The following PTPRR variants were observed in gnomAD, a reference collection of about 807,000 sequenced individuals.
PTPRR encodes receptor-type tyrosine-protein phosphatase R.
A neutral mutation model predicts 77.2 loss-of-function variants in PTPRR; 38 were observed. That is an observed-to-expected ratio of 0.49 (90% CI 0.38 to 0.65). The LOEUF (loss-of-function observed/expected upper bound fraction) is 0.65, where lower values mean the gene tolerates loss of function less well. PTPRR is among the 30% of genes least tolerant of loss of function. The pLI is 0.00. For synonymous variants in PTPRR, 299 were observed against 283.1 expected (o/e 1.06, Z -0.57); for missense variants, 744 against 799.2 (o/e 0.93, Z 0.83).
intron 10 of PTPRR, among the ~76,000 whole-genome samples, chr12:70,674,432 G>A (rs1174212875): frequency 1.3e-5 from 2 of 152,144 alleles, no homozygotes; most frequent in South Asian, 4.1e-4. Context: ...AAGATTTGAT[G>A]TGTAGTATTT....
intron 2 of PTPRR, among the ~76,000 whole-genome samples, chr12:70,811,856 A>G (rs2137031372): frequency 6.6e-6 from 1 of 152,342 alleles, no homozygotes; most frequent in South Asian, 2.1e-4. Context: ...CTAAAACATT[A>G]TTCATTGTGT....
intron 2 of PTPRR, among the ~76,000 whole-genome samples, chr12:70,770,073 C>T (rs1254981854): frequency 7.3e-5 from 11 of 151,110 alleles, no homozygotes; most frequent in African/African-American, 2.0e-4. Flanking sequence ...AAAACCTAGG[C>T]ATTACCATTC....
In PTPRR at chr12:70,789,423, G is replaced by T. The variant is rs191879959; in HGVS notation, c.358-24645C>A. Among the ~76,000 whole-genome samples, 506 of 152,006 alleles carry T rather than the reference G, an allele frequency of 3.3e-3. 2 individuals carry two copies. The highest frequency in any genetic ancestry group is 0.012 in the African/African-American group (483 of 41,474). ...CAGTCAGCATGACTTAGAAACAAGG[G>T]TTATTATTAATTTTTATATTGATTG... On this transcript the variant is annotated intron_variant, in intron 2 of 13. Coordinates refer to ENST00000283228, the MANE Select transcript of PTPRR (RefSeq NM_002849.4).
At chr12:70,726,259 C>A (rs1565668050) in intron 6 of PTPRR, among the ~76,000 whole-genome samples, 1 of 151,860 alleles carries the variant, frequency 6.6e-6, no homozygotes, top group Non-Finnish European at 1.5e-5. Context: ...GTTTTTAGGG[C>A]AAAATCAGGC....
At chr12:70,841,683 A>G (rs1028100437) in intron 2 of PTPRR, among the ~76,000 whole-genome samples, 2 of 151,708 alleles carry the variant, frequency 1.3e-5, no homozygotes, top group African/African-American at 2.4e-5. Context: ...AAAATATTCA[A>G]TGTCTCAAAT....
chr12:70,863,358 G>A (rs1264381501), intron 2 of PTPRR, among the ~76,000 whole-genome samples: 4 of 152,084 alleles, frequency 2.6e-5, no homozygotes, highest in African/African-American at 9.7e-5. Context: ...TTGCAATTAA[G>A]ATTCAAAAAG....
intron 13 of PTPRR, among the ~76,000 whole-genome samples, chr12:70,641,184 C>T (rs988849983): frequency 3.3e-5 from 5 of 152,196 alleles, no homozygotes; most frequent in African/African-American, 4.8e-5. Flanking sequence ...ATTAGGGTAG[C>T]TCCAGGGAGC....
intron 2 of PTPRR, among the ~76,000 whole-genome samples, chr12:70,772,918 C>G (rs891012920): frequency 1.3e-5 from 2 of 152,022 alleles, no homozygotes; most frequent in Non-Finnish European, 2.9e-5. Context: ...TCTTGTCATA[C>G]TAGAGGCTGG....
Position 70,639,120 on chromosome 12 carries a change from G to A in PTPRR, c.*64C>T. 1 of 1,416,684 alleles carries A rather than the reference G, an allele frequency of 7.1e-7. No individual in the cohort carries two copies. The highest frequency in any genetic ancestry group is 9.9e-7 in the Non-Finnish European group (1 of 1,013,558). The allele number at this position is 1,416,684 out of a possible 1,614,324, so 87.8% of individuals were successfully genotyped here. A position where few individuals can be genotyped will look rare whatever the true frequency, so the allele number is the denominator to read the frequency against. ...CCATTGCAGGAAGCTCCTTCTAGAA[G>A]CCTTGGGTGGGTAATTTGATTAATC... On this transcript the variant is annotated 3_prime_UTR_variant, in exon 14 of 14. Transcript: ENST00000283228.
At chr12:70,913,347 G>A (rs974046896) in intron 1 of PTPRR, among the ~76,000 whole-genome samples, 2 of 152,004 alleles carry the variant, frequency 1.3e-5, no homozygotes, top group Non-Finnish European at 2.9e-5. Flanking sequence ...GAAAAGGAGG[G>A]TTGAATAATT....
chr12:70,725,976 A>G (rs968768717), intron 6 of PTPRR, among the ~76,000 whole-genome samples: 1 of 152,090 alleles, frequency 6.6e-6, no homozygotes, highest in Non-Finnish European at 1.5e-5. Flanking sequence ...AATCATTGTC[A>G]ATACTATTGC....
chr12:70,866,451 C>T (rs1050415917), intron 2 of PTPRR, among the ~76,000 whole-genome samples: 9 of 152,024 alleles, frequency 5.9e-5, no homozygotes, highest in Admixed American at 2.0e-4. Flanking sequence ...ATAAATTCCT[C>T]GACACATACA....
At chr12:70,723,594 C>T (rs1277562830) in intron 6 of PTPRR, among the ~76,000 whole-genome samples, 1 of 152,080 alleles carries the variant, frequency 6.6e-6, no homozygotes, top group Non-Finnish European at 1.5e-5. Context: ...TAAGGACAGT[C>T]TCAAGTGTAC....
At position 70,684,265 on chromosome 12, in the gene PTPRR, C is replaced by G. The variant is rs1350799175; in HGVS notation, c.1360-1G>C. The G allele has an allele frequency of 6.2e-7, 1 of 1,605,980 alleles. No homozygotes were observed. The highest frequency in any genetic ancestry group is 8.5e-7 in the Non-Finnish European group (1 of 1,176,470). On this transcript the variant is annotated splice_acceptor_variant, in intron 9 of 13. Transcript: ENST00000283228. LOFTEE classifies it high-confidence loss of function. Reference sequence around the variant, plus strand: ...AGGCTTTCTCCTTGCCACTGTAGCCCTAGATGGAGTAAAGAAACAAAAATA... The same window carrying G: ...AGGCTTTCTCCTTGCCACTGTAGCCGTAGATGGAGTAAAGAAACAAAAATA...
intron 6 of PTPRR, among the ~76,000 whole-genome samples, chr12:70,737,530 C>G (rs1308004558): frequency 6.6e-6 from 1 of 151,614 alleles, no homozygotes; most frequent in African/African-American, 2.4e-5. Flanking sequence ...ATCTATCTAT[C>G]TATCTTTCGA....
intron 6 of PTPRR, among the ~76,000 whole-genome samples, chr12:70,743,256 G>A (rs956818484): frequency 5.3e-5 from 8 of 152,158 alleles, no homozygotes; most frequent in African/African-American, 1.7e-4. Context: ...ATAGTTACTA[G>A]TGCTAGATGG....
In PTPRR at chr12:70,764,599, C is replaced by T. The variant is rs560042508; in HGVS notation, c.471+66G>A. The T allele has an allele frequency of 1.3e-4, 169 of 1,311,518 alleles. 1 individual carries two copies. In the East Asian group the frequency reaches 3.2e-3, roughly 25 times the overall value. 81.2% of individuals were successfully genotyped at this position (1,311,518 alleles called of 1,614,324 possible). On this transcript the variant is annotated intron_variant, in intron 3 of 13. Transcript: ENST00000283228. ...TAGCCATACAACTATAGCATGAGCC[C>T]TTTAGTGATTAAAAAAACCACACAC...
intron 12 of PTPRR, among the ~76,000 whole-genome samples, chr12:70,659,313 A>G (rs1592643512): frequency 6.6e-6 from 1 of 152,106 alleles, no homozygotes; most frequent in East Asian, 1.9e-4. Context: ...TGTGCATTTT[A>G]CCAGCTACTT....
intron 4 of PTPRR, among the ~76,000 whole-genome samples, chr12:70,758,614 G>A (rs1346595846): frequency 6.6e-6 from 1 of 151,928 alleles, no homozygotes; most frequent in African/African-American, 2.4e-5. Flanking sequence ...TTGACTGTGG[G>A]AATGGGGTTT....
Sources: allele counts gnomAD v4.1 joint callset (sites outside exome capture counted in the v4.1 genomes callset), GRCh38; gene constraint gnomAD v4.1.1; transcripts MANE v1.5; gene names NCBI Gene and HGNC (gene_info 2026-07-23, HGNC 2026-07-21).